The following DCLK1 variants were observed in gnomAD, a reference collection of about 807,000 sequenced individuals.
DCLK1 encodes serine/threonine-protein kinase DCLK1.
A neutral mutation model predicts 86.2 loss-of-function variants in DCLK1; 16 were observed. The observed-to-expected ratio is 0.19, with a 90% confidence interval of 0.13 to 0.28. The LOEUF is 0.28. Ranked by LOEUF, DCLK1 falls within the 10% of genes least tolerant of loss-of-function variation. The pLI is 1.00. For synonymous variants in DCLK1, 369 were observed against 370.5 expected, an observed-to-expected ratio of 1.00 and a Z score of 0.05; for missense variants, 590 against 940.2, an observed-to-expected ratio of 0.63 and a Z score of 4.87.
intron 3 of DCLK1, among the ~76,000 whole-genome samples, chr13:35,957,496 A>T (rs1878056203): frequency 6.6e-6 from 1 of 152,154 alleles, no homozygotes; most frequent in Non-Finnish European, 1.5e-5. Flanking sequence ...TGTTACATCA[A>T]TTTCTCACAA....
chr13:35,846,576 A>C (rs889782627), intron 6 of DCLK1: 2 of 985,208 alleles, frequency 2.0e-6, no homozygotes, highest in African/African-American at 3.5e-5. Context: ...TCTTTTTTCC[A>C]CATGCATAAC....
intron 3 of DCLK1, among the ~76,000 whole-genome samples, chr13:36,011,062 C>T (rs1271212824): frequency 1.7e-5 from 1 of 60,190 alleles, no homozygotes; most frequent in Non-Finnish European, 3.4e-5. Context: ...TCTGTGGGAT[C>T]GGTGGTGATA....
chr13:35,967,859 A>T (rs899196925), intron 3 of DCLK1, among the ~76,000 whole-genome samples: 1 of 152,008 alleles, frequency 6.6e-6, no homozygotes, highest in African/African-American at 2.4e-5. Flanking sequence ...AAAGTAAAAA[A>T]TAAAAATACA....
At chr13:35,788,956 AAT>A (rs1042799818) in intron 16 of DCLK1, among the ~76,000 whole-genome samples, 23 of 152,340 alleles carry the variant, frequency 1.5e-4, no homozygotes, top group African/African-American at 5.1e-4. Flanking sequence ...TAAAACAAAA[AAT>A]AGTTTTCTTT....
At chr13:35,826,548 A>G (rs139776997) in intron 10 of DCLK1, among the ~76,000 whole-genome samples, 12,824 of 93,638 alleles carry the variant, frequency 0.14, 3,214 homozygotes, top group Non-Finnish European at 0.18. Context: ...AAAAAGAAAG[A>G]AAGAAAGAAA....
At chr13:35,793,331 A>G in intron 16 of DCLK1, 35 bp downstream of exon 16, 3 of 1,556,662 alleles carry the variant, frequency 1.9e-6, no homozygotes, top group Non-Finnish European at 2.6e-6. Context: ...GGGTTGCTTT[A>G]AAAAAAGTTA....
At chr13:36,043,551 C>T (rs1033610336) in intron 3 of DCLK1, among the ~76,000 whole-genome samples, 5 of 151,880 alleles carry the variant, frequency 3.3e-5, no homozygotes, top group South Asian at 2.1e-4. Flanking sequence ...AAAGAGTGCC[C>T]AGTACACTAA....
chr13:36,005,216 T>TATAATTTAA (rs1197997168), intron 3 of DCLK1, among the ~76,000 whole-genome samples: 1 of 152,218 alleles, frequency 6.6e-6, no homozygotes, highest in African/African-American at 2.4e-5. Context: ...CTAGCTGATT[T>TATAATTTAA]AATAGATTAT....
intron 4 of DCLK1, among the ~76,000 whole-genome samples, chr13:35,914,304 G>T (rs10161900): frequency 5.7e-5 from 8 of 139,892 alleles, no homozygotes; most frequent in Non-Finnish European, 9.1e-5. Flanking sequence ...GGGCAACAGA[G>T]GGGAGACCTT....
At chr13:35,836,611 GA>G (rs1340659056) in intron 7 of DCLK1, among the ~76,000 whole-genome samples, 2 of 152,274 alleles carry the variant, frequency 1.3e-5, no homozygotes, top group African/African-American at 4.8e-5. Flanking sequence ...ACTACATCCT[GA>G]AATGGAAATC....
intron 4 of DCLK1, among the ~76,000 whole-genome samples, chr13:35,938,257 T>C (rs1876877636): frequency 6.6e-6 from 1 of 152,014 alleles, no homozygotes; most frequent in African/African-American, 2.4e-5. Context: ...GTGGGTGGTA[T>C]TTGTTACTCT....
At chr13:36,048,463 A>C (rs925527053) in intron 3 of DCLK1, among the ~76,000 whole-genome samples, 2 of 152,166 alleles carry the variant, frequency 1.3e-5, no homozygotes, top group African/African-American at 4.8e-5. Context: ...ATTACATTTA[A>C]ACTTTCTGAT....
chr13:35,873,125 C>T (rs992081958), intron 4 of DCLK1, among the ~76,000 whole-genome samples: 2 of 151,924 alleles, frequency 1.3e-5, no homozygotes, highest in African/African-American at 4.8e-5. Flanking sequence ...TGGTGAAACC[C>T]TGCCTCTACT....
intron 3 of DCLK1, among the ~76,000 whole-genome samples, chr13:36,083,256 C>G (rs1462581251): frequency 6.6e-6 from 1 of 152,174 alleles, no homozygotes; most frequent in Non-Finnish European, 1.5e-5. Context: ...CTGATCACAG[C>G]CTTTATGTTC....
At chr13:36,110,245 C>A (rs1885563194) in intron 3 of DCLK1, among the ~76,000 whole-genome samples, 1 of 152,086 alleles carries the variant, frequency 6.6e-6, no homozygotes, top group South Asian at 2.1e-4. Context: ...GTGAAGTTTG[C>A]CATCTTATTG....
chr13:35,901,578 T>C (rs1874370844), intron 4 of DCLK1, among the ~76,000 whole-genome samples: 1 of 150,784 alleles, frequency 6.6e-6, no homozygotes, highest in Non-Finnish European at 1.5e-5. Context: ...GGTAGAACTT[T>C]AGAAGACAGA....
intron 3 of DCLK1, among the ~76,000 whole-genome samples, chr13:36,077,941 A>AT (rs1215087213): frequency 1.3e-5 from 2 of 152,308 alleles, no homozygotes; most frequent in Non-Finnish European, 2.9e-5. Flanking sequence ...TAATCATTGG[A>AT]TTTTCTCACT....
intron 16 of DCLK1, among the ~76,000 whole-genome samples, chr13:35,775,581 A>G (rs1314957562): frequency 6.6e-6 from 1 of 152,172 alleles, no homozygotes; most frequent in Admixed American, 6.5e-5. Flanking sequence ...TTACAGAGAA[A>G]CCTTACACAG....
intron 3 of DCLK1, among the ~76,000 whole-genome samples, chr13:35,996,747 A>T (rs1315312906): frequency 6.6e-6 from 1 of 152,158 alleles, no homozygotes; most frequent in Non-Finnish European, 1.5e-5. Context: ...GTTTCTATGG[A>T]GAACCCTGAT....
Sources: allele counts gnomAD v4.1 joint callset (sites outside exome capture counted in the v4.1 genomes callset), GRCh38; gene constraint gnomAD v4.1.1; transcripts MANE v1.5; gene names NCBI Gene and HGNC (gene_info 2026-07-23, HGNC 2026-07-21).